The following SEL1L3 variants were observed in gnomAD, a reference collection of about 807,000 sequenced individuals.
The protein encoded by SEL1L3 is protein sel-1 homolog 3.
In SEL1L3, 76 loss-of-function variants were observed where a neutral mutation model predicts 142.8. That is an observed-to-expected ratio of 0.53 (90% confidence interval 0.44 to 0.64). The LOEUF is 0.64. SEL1L3 is among the 30% of genes least tolerant of loss of function. The probability of loss-of-function intolerance (pLI) is 0.00; values close to 1 mark genes in which losing one functional copy is unlikely to be tolerated. For synonymous variants in SEL1L3, 504 were observed against 519.6 expected, an observed-to-expected ratio of 0.97 and a Z score of 0.41; for missense variants, 1,262 against 1,381.7, an observed-to-expected ratio of 0.91 and a Z score of 1.37.
chr4:25,837,497 A>G (rs1024361758), intron 2 of SEL1L3, among the ~76,000 whole-genome samples: 21 of 151,834 alleles, frequency 1.4e-4, no homozygotes, highest in Admixed American at 1.2e-3. Context: ...GTCAAACGGG[A>G]GAACTTGCCG....
Position 25,822,063 on chromosome 4 carries a change from A to G in SEL1L3, c.1223T>C (p.Val408Ala), listed in dbSNP as rs1369179561. The G allele has an allele frequency of 6.2e-7, 1 of 1,614,010 alleles. No individual in the cohort carries two copies. Among genetic ancestry groups the G allele is most frequent in the Admixed American group, 1.7e-5 (1 of 60,032 alleles). ...TCCAAAAAACCCTTCAATGCCAGCC[A>G]CATACCTGCTCCCTCCAATAATGAA... Reference protein sequence around the residue: ...GYFIIGGSRYVAGIEGFFGPL... With the variant: ...GYFIIGGSRYAAGIEGFFGPL... The change falls in exon 7 of 24, where the codon GTG becomes GCG. Residue 408 changes from valine to alanine, a missense_variant. Val to Ala is a moderately conservative substitution (Grantham distance 64). Coordinates refer to ENST00000399878, the MANE Select transcript of SEL1L3 (RefSeq NM_015187.5).
At chr4:25,862,364 G>T (rs1717776652) in intron 1 of SEL1L3, among the ~76,000 whole-genome samples, 1 of 152,000 alleles carries the variant, frequency 6.6e-6, no homozygotes, top group African/African-American at 2.4e-5. Flanking sequence ...ACTCCGGGCG[G>T]CGAGGCTCCC....
At chr4:25,725,959 G>A in the SEL1L3 span, among the ~76,000 whole-genome samples, 67 of 152,230 alleles carry the variant, frequency 4.4e-4, no homozygotes, top group Non-Finnish European at 8.7e-4. Flanking sequence ...TATCAGCAGC[G>A]TCCTCGTGAC....
chr4:25,782,544 C>T, intron 14 of SEL1L3, 126 bp from the exon 15 acceptor site: 1 of 808,004 alleles, frequency 1.2e-6, no homozygotes, highest in Non-Finnish European at 1.9e-6. Context: ...TATTTTGGAG[C>T]AGATGGCATT....
intron 1 of SEL1L3, among the ~76,000 whole-genome samples, chr4:25,848,327 G>A (rs756196651): frequency 6.6e-6 from 1 of 152,194 alleles, no homozygotes; most frequent in Non-Finnish European, 1.5e-5. Context: ...ACCCTCGAGG[G>A]AACATAACAG....
chr4:25,848,651 T>C (rs114601915), intron 1 of SEL1L3, among the ~76,000 whole-genome samples: 518 of 152,304 alleles, frequency 3.4e-3, no homozygotes, highest in African/African-American at 0.012. Flanking sequence ...AAAAGGTCAC[T>C]TTGGACCACT....
rs755708094 is a variant in SEL1L3, at chr4:25,847,692, T to C, written c.335A>G (p.Asn112Ser). 3.1e-6 allele frequency: 5 copies of C among 1,613,986 alleles called. No individual in the cohort carries two copies. Among genetic ancestry groups the C allele is most frequent in the African/African-American group, 1.3e-5 (1 of 75,040 alleles). Residue 112 changes from asparagine to serine, a missense_variant, in exon 2 of 24, where the codon AAT (asparagine) becomes AGT (serine). This residue lies in a region of SEL1L3 where 689 missense variants were observed against 692.8 expected (regional missense o/e 0.99). Transcript: ENST00000399878. ...EYLCSQPCVV[N>S]LEAVVSSEFR... is the part of the protein sequence containing the mutation. ...CTCAGATGAAACAACTGCTTCCAAA[T>C]TGACAACACAAGGCTGAGAGCATAA...
chr4:25,852,289 T>C (rs1716960157), intron 1 of SEL1L3, among the ~76,000 whole-genome samples: 1 of 152,198 alleles, frequency 6.6e-6, no homozygotes, highest in Non-Finnish European at 1.5e-5. Flanking sequence ...GCTCCTTTTC[T>C]AGCCACCCAC....
intron 2 of SEL1L3, among the ~76,000 whole-genome samples, chr4:25,836,719 G>T (rs1000686857): frequency 6.6e-6 from 1 of 152,094 alleles, no homozygotes; most frequent in African/African-American, 2.4e-5. Context: ...TTAAATGGTG[G>T]GAACAGTCTA....
the SEL1L3 span, among the ~76,000 whole-genome samples, chr4:25,724,470 A>G: frequency 6.6e-6 from 1 of 151,542 alleles, no homozygotes; most frequent in Non-Finnish European, 1.5e-5. Context: ...GGCCAGGTAC[A>G]GTGGCTCATG....
At chr4:25,823,790 C>A (rs11732004) in intron 6 of SEL1L3, among the ~76,000 whole-genome samples, 1 of 151,974 alleles carries the variant, frequency 6.6e-6, no homozygotes, top group East Asian at 1.9e-4. Context: ...AGCAAAGGGC[C>A]GGAGTGACGA....
intron 6 of SEL1L3, among the ~76,000 whole-genome samples, chr4:25,829,026 G>T (rs1715270387): frequency 6.6e-6 from 1 of 152,196 alleles, no homozygotes; most frequent in Admixed American, 6.5e-5. Context: ...AGGCTGGAGT[G>T]CAGTGGCGCC....
At position 25,862,630 on chromosome 4, in the gene SEL1L3, G is replaced by C. The variant is rs1717804375; in HGVS notation, c.162+45C>G. 6 of 1,128,180 alleles carry C rather than the reference G, an allele frequency of 5.3e-6. No homozygotes were observed. The South Asian group carries it at 2.2e-4, about 41-fold the overall frequency. 69.9% of individuals were successfully genotyped at this position (1,128,180 alleles called of 1,614,324 possible). A position where few individuals can be genotyped will look rare whatever the true frequency, so the allele number is the denominator to read the frequency against. On this transcript the variant is annotated intron_variant, in intron 1 of 23. Transcript: ENST00000399878. ...CCGGCCGCCCCCACCCGCGTCCCCG[G>C]GGCCCCGCGCGGAGGGGAAGACCCG...
chr4:25,770,755 A>AG (rs1026296017), intron 17 of SEL1L3, among the ~76,000 whole-genome samples: 1 of 150,102 alleles, frequency 6.7e-6, no homozygotes, highest in African/African-American at 2.5e-5. Flanking sequence ...AAAAAAAAAA[A>AG]AAAGAAAAGA....
Position 25,804,745 on chromosome 4 carries a change from C to T in SEL1L3, c.1572G>A (p.Arg524=), listed in dbSNP as rs1713441171. The T allele has an allele frequency of 1.9e-6, 3 of 1,609,746 alleles. No individual in the cohort carries two copies. In the Admixed American group the frequency reaches 5.0e-5, roughly 27 times the overall value. The part of the protein sequence containing the change: ...LLEMDLLTVP[R]NQNESVSEIG... ...TTTCTGATACAGATTCATTTTGGTT[C>T]CTTGGCACTGTAAATAACACAATTC... The change falls in exon 10 of 24, where the codon AGG becomes AGA. Residue 524 remains arginine (R), a synonymous_variant. Coordinates refer to ENST00000399878, the MANE Select transcript of SEL1L3 (RefSeq NM_015187.5).
chr4:25,756,979 A>G, intron 23 of SEL1L3: 1 of 1,205,278 alleles, frequency 8.3e-7, no homozygotes, highest in African/African-American at 1.6e-5. Context: ...GAAAGTCCTT[A>G]TTTTGAGGCT....
At chr4:25,756,147 G>A (rs77179084) in intron 23 of SEL1L3, 38 of 985,376 alleles carry the variant, frequency 3.9e-5, no homozygotes, top group East Asian at 3.4e-4. Flanking sequence ...TAACAGCTAC[G>A]CAAATGCTCC....
At chr4:25,837,572 C>T (rs929400063) in intron 2 of SEL1L3, among the ~76,000 whole-genome samples, 6 of 151,694 alleles carry the variant, frequency 4.0e-5, no homozygotes, top group South Asian at 2.1e-4. Context: ...GAACACATAC[C>T]GTTTGTACCC....
intron 21 of SEL1L3, 149 bp downstream of exon 21, chr4:25,758,792 G>C: frequency 1.3e-6 from 1 of 794,816 alleles, no homozygotes; most frequent in Non-Finnish European, 1.8e-6. Flanking sequence ...GGGATTACAA[G>C]TATGAGCCAC....
Sources: gnomAD v4.1 joint callset for allele counts (sites outside exome capture counted in the v4.1 genomes callset) on GRCh38, gnomAD v4.1.1 for gene constraint, gnomAD v4.1.1 regional missense constraint, MANE v1.5 for transcripts, NCBI Gene and HGNC (gene_info 2026-07-23, HGNC 2026-07-21) for gene names.